Variants in TNFSF15 observed in about 807,000 individuals in gnomAD.
TNFSF15 encodes the protein TNF superfamily member 15.
Under a neutral mutation model 26.4 loss-of-function variants are expected in TNFSF15, and 15 were observed. That is an observed-to-expected ratio of 0.57 (90% CI 0.38 to 0.87). The LOEUF is 0.87. Ranked by LOEUF, TNFSF15 falls within the 40% of genes least tolerant of loss-of-function variation. The probability of loss-of-function intolerance (pLI) is 0.00; values close to 1 mark genes in which losing one functional copy is unlikely to be tolerated. For synonymous variants in TNFSF15, 116 were observed against 115.0 expected (o/e 1.01, Z -0.06); for missense variants, 290 against 306.1 (o/e 0.95, Z 0.39).
rs1829469016 is a variant in TNFSF15 at position 114,784,722 on chromosome 9, A to G, written c.*5730T>C. On this transcript the variant is annotated 3_prime_UTR_variant, in exon 4 of 4. Coordinates refer to ENST00000374045, the MANE Select transcript of TNFSF15 (RefSeq NM_005118.4). ...TTAACACATACAACATTTCATTTAC[A>G]GAGATTAGAATTCATACACTAGTAC... 1 of 152,246 alleles carries G rather than the reference A, an allele frequency of 6.6e-6. No homozygotes were observed. The highest frequency in any genetic ancestry group is 1.5e-5 in the Non-Finnish European group (1 of 68,044). The allele number at this position is 152,246 out of a possible 1,614,324, so 9.4% of individuals were successfully genotyped here. A position where few individuals can be genotyped will look rare whatever the true frequency, so the allele number is the denominator to read the frequency against.
intron 1 of TNFSF15, among the ~76,000 whole-genome samples, chr9:114,802,138 C>A (rs1023503041): frequency 6.6e-6 from 1 of 152,098 alleles, no homozygotes; most frequent in Non-Finnish European, 1.5e-5. Flanking sequence ...TGGTAGATTG[C>A]CTGTGATGTG....
intron 1 of TNFSF15, among the ~76,000 whole-genome samples, chr9:114,795,265 G>T (rs1829659564): frequency 6.6e-6 from 1 of 152,040 alleles, no homozygotes; most frequent in Non-Finnish European, 1.5e-5. Context: ...CTTCTGATTT[G>T]GTTCTTGTTG....
chr9:114,802,357 A>T (rs1315538117), intron 1 of TNFSF15, among the ~76,000 whole-genome samples: 8 of 152,050 alleles, frequency 5.3e-5, no homozygotes, highest in African/African-American at 1.7e-4. Context: ...GGTTCAAGTG[A>T]TTATCCTGAC....
chr9:114,800,610 T>G (rs1829733557), intron 1 of TNFSF15, among the ~76,000 whole-genome samples: 1 of 152,166 alleles, frequency 6.6e-6, no homozygotes, highest in Admixed American at 6.5e-5. Context: ...ATCTCTAAAA[T>G]GTGGATAATA....
intron 1 of TNFSF15, among the ~76,000 whole-genome samples, chr9:114,793,983 A>G (rs562864050): frequency 6.6e-6 from 1 of 152,346 alleles, no homozygotes; most frequent in African/African-American, 2.4e-5. Context: ...AATAATGGCT[A>G]TGTTCTCCTT....
rs369441005 is a variant in TNFSF15 at position 114,805,971 on chromosome 9, A to C, written c.42T>G (p.Ser14Arg). 1.2e-6 allele frequency: 2 copies of C among 1,613,914 alleles called. No individual in the cohort carries two copies. The highest frequency in any genetic ancestry group is 2.7e-5 in the African/African-American group (2 of 74,900). The change falls in exon 1 of 4, where the codon AGT (serine) becomes AGG (arginine). Residue 14 changes from serine (S) to arginine (R), a missense_variant. By Grantham distance (110) the Ser-to-Arg change is moderately radical. This residue lies in a region of TNFSF15 where 179 missense variants were observed against 165.9 expected (regional missense o/e 1.08). Coordinates refer to ENST00000374045, the MANE Select transcript of TNFSF15 (RefSeq NM_005118.4). ...TGCCGTGCTCTGGCAGCATTTCCACACTGGCTGTTTCCCCAAAGCTCAGTC... is the reference window on the plus strand; with the variant it reads ...TGCCGTGCTCTGGCAGCATTTCCACCCTGGCTGTTTCCCCAAAGCTCAGTC... Reference protein sequence around the residue: ...DLGLSFGETASVEMLPEHGSC... With the variant: ...DLGLSFGETARVEMLPEHGSC...
Position 114,805,827 on chromosome 9 carries a change from C to G in TNFSF15, c.186G>C (p.Gln62His). Residue 62 changes from glutamine to histidine, a missense_variant, in exon 1 of 4, where the codon CAG (glutamine) becomes CAC (histidine). By Grantham distance (24) the Gln-to-His change is conservative. Transcript: ENST00000374045. ...CCTGGAACTGCACACAGGCCTCTCC[C>G]TGGGCCCGGAGCTGGCTGACAAGCA... Reference protein sequence around the residue: ...TYLLVSQLRAQGEACVQFQAL... With the variant: ...TYLLVSQLRAHGEACVQFQAL... 6.2e-7 allele frequency: 1 copy of G among 1,613,586 alleles called. No homozygotes were observed. The highest frequency in any genetic ancestry group is 8.5e-7 in the Non-Finnish European group (1 of 1,180,024).
At chr9:114,802,731 G>T (rs1564347584) in intron 1 of TNFSF15, among the ~76,000 whole-genome samples, 1 of 152,186 alleles carries the variant, frequency 6.6e-6, no homozygotes, top group Non-Finnish European at 1.5e-5. Flanking sequence ...GGAGAGGGGT[G>T]AGGCTCAGTA....
At chr9:114,805,060 G>T (rs899001209) in intron 1 of TNFSF15, among the ~76,000 whole-genome samples, 3 of 152,106 alleles carry the variant, frequency 2.0e-5, no homozygotes, top group African/African-American at 7.2e-5. Context: ...ACCTATCGCT[G>T]CCCCTACCAT....
intron 1 of TNFSF15, among the ~76,000 whole-genome samples, chr9:114,796,332 C>T (rs1003461001): frequency 6.6e-6 from 1 of 152,188 alleles, no homozygotes. Context: ...TACTACACTG[C>T]TTATAAACCT....
chr9:114,785,349 C>G lies in TNFSF15; in HGVS notation c.*5103G>C, dbSNP rs1829481942. On this transcript the variant is annotated 3_prime_UTR_variant, in exon 4 of 4. Transcript: ENST00000374045. ...AATTCCATGACATTTCTCTATTGGC[C>G]AAGATCTTAGGGGTATTTTGTGTTG... The G allele has an allele frequency of 6.6e-6, 1 of 152,086 alleles. No individual in the cohort carries two copies. Among genetic ancestry groups the G allele is most frequent in the Admixed American group, 6.5e-5 (1 of 15,268 alleles). 9.4% of individuals were successfully genotyped at this position (152,086 alleles called of 1,614,324 possible).
chr9:114,798,479 A>G (rs1288999169), intron 1 of TNFSF15, among the ~76,000 whole-genome samples: 1 of 152,148 alleles, frequency 6.6e-6, no homozygotes, highest in Non-Finnish European at 1.5e-5. Context: ...GGCAGAAGAA[A>G]GCATAAAGAG....
At chr9:114,798,334 C>T (rs950623032) in intron 1 of TNFSF15, among the ~76,000 whole-genome samples, 1 of 151,342 alleles carries the variant, frequency 6.6e-6, no homozygotes, top group Non-Finnish European at 1.5e-5. Context: ...CTCCTTAGTT[C>T]TTGTAGGTCA....
At position 114,793,516 on chromosome 9, in the gene TNFSF15, G is replaced by A; in HGVS notation, c.253+10C>T. The A allele has an allele frequency of 1.2e-6, 2 of 1,613,628 alleles. No homozygotes were observed. The highest frequency in any genetic ancestry group is 1.7e-6 in the Non-Finnish European group (2 of 1,179,610). On this transcript the variant is annotated intron_variant, in intron 2 of 3. Transcript: ENST00000374045. ...CCACGAGGAAAGGCGTTGAAGATGAGCATACTTACAAACTTGCTGATGTGA... is the reference window on the plus strand; with the variant it reads ...CCACGAGGAAAGGCGTTGAAGATGAACATACTTACAAACTTGCTGATGTGA...
In TNFSF15 at chr9:114,788,755, C is replaced by T. The variant is rs912292152; in HGVS notation, c.*1697G>A. ...GCATGAAGTTAACATCTTTCATTCT[C>T]ATGAGCTCATTTGCTCCTTGGAAAC... is the stretch of plus-strand genomic sequence containing the variant. On this transcript the variant is annotated 3_prime_UTR_variant, in exon 4 of 4. Coordinates refer to ENST00000374045, the MANE Select transcript of TNFSF15 (RefSeq NM_005118.4). 2.6e-5 allele frequency: 4 copies of T among 152,222 alleles called. No individual in the cohort carries two copies. The highest frequency in any genetic ancestry group is 9.6e-5 in the African/African-American group (4 of 41,468). The allele number at this position is 152,222 out of a possible 1,614,324, so 9.4% of individuals were successfully genotyped here.
In TNFSF15 at chr9:114,793,320, C is replaced by A. The variant is rs560494027; in HGVS notation, c.253+206G>T. Among the ~76,000 whole-genome samples the A allele has an allele frequency of 7.9e-5, 12 of 152,266 alleles. No homozygotes were observed. The South Asian group carries it at 2.5e-3, about 32-fold the overall frequency. ...TCCGGAGTTGGGGTTTGAGTTCAGG[C>A]CATCAGCTCCACAGGCCATGCACTT... On this transcript the variant is annotated intron_variant, in intron 2 of 3. Coordinates refer to ENST00000374045, the MANE Select transcript of TNFSF15 (RefSeq NM_005118.4).
At position 114,790,100 on chromosome 9, in the gene TNFSF15, G is replaced by T. The variant is rs1254533398; in HGVS notation, c.*352C>A. On this transcript the variant is annotated 3_prime_UTR_variant, in exon 4 of 4. Coordinates refer to ENST00000374045, the MANE Select transcript of TNFSF15 (RefSeq NM_005118.4). ...CAAATTGAACAATAACTGGACCACT[G>T]GTGACCATTGTATAGCAGGAAGGTG... 3 of 172,548 alleles carry T rather than the reference G, an allele frequency of 1.7e-5. No individual in the cohort carries two copies. The highest frequency in any genetic ancestry group is 3.7e-5 in the Non-Finnish European group (3 of 80,648). The allele number at this position is 172,548 out of a possible 1,614,324, so 10.7% of individuals were successfully genotyped here.
rs938988181 is a variant in TNFSF15, at chr9:114,785,365, T to C, written c.*5087A>G. ...TCTATTGGCCAAGATCTTAGGGGTATTTTGTGTTGGACACTCTCTGGACAA... is the reference window on the plus strand; with the variant it reads ...TCTATTGGCCAAGATCTTAGGGGTACTTTGTGTTGGACACTCTCTGGACAA... On this transcript the variant is annotated 3_prime_UTR_variant, in exon 4 of 4. Transcript: ENST00000374045. 6.6e-6 allele frequency: 1 copy of C among 152,212 alleles called. No homozygotes were observed. The highest frequency in any genetic ancestry group is 2.4e-5 in the African/African-American group (1 of 41,444). 9.4% of individuals were successfully genotyped at this position (152,212 alleles called of 1,614,324 possible).
chr9:114,800,738 G>C (rs1282195011), intron 1 of TNFSF15, among the ~76,000 whole-genome samples: 1 of 152,160 alleles, frequency 6.6e-6, no homozygotes, highest in Non-Finnish European at 1.5e-5. Flanking sequence ...TGCTTTATAG[G>C]TGTGATCTCA....
Sources: gnomAD v4.1 joint callset for allele counts (sites outside exome capture counted in the v4.1 genomes callset) on GRCh38, gnomAD v4.1.1 for gene constraint, gnomAD v4.1.1 regional missense constraint, MANE v1.5 for transcripts, NCBI Gene and HGNC (gene_info 2026-07-23, HGNC 2026-07-21) for gene names.